The following ULK2 variants were observed in gnomAD, a reference collection of about 807,000 sequenced individuals.
ULK2 encodes serine/threonine-protein kinase ULK2.
Under a neutral mutation model 127.5 loss-of-function variants are expected in ULK2, and 76 were observed. That is an observed-to-expected ratio of 0.60 (90% CI 0.50 to 0.72). The LOEUF is 0.72. ULK2 is among the 30% of genes least tolerant of loss of function. The pLI is 0.00. For synonymous variants in ULK2, 452 were observed against 461.9 expected, an observed-to-expected ratio of 0.98 and a Z score of 0.28; for missense variants, 1,144 against 1,295.9, an observed-to-expected ratio of 0.88 and a Z score of 1.80.
At chr17:19,808,264 A>T (rs1454473446) in intron 14 of ULK2, among the ~76,000 whole-genome samples, 1 of 152,198 alleles carries the variant, frequency 6.6e-6, no homozygotes, top group African/African-American at 2.4e-5. Context: ...CATACACCAT[A>T]CACAAAAATT....
intron 3 of ULK2, among the ~76,000 whole-genome samples, chr17:19,860,261 G>A (rs750606570): frequency 4.1e-4 from 62 of 152,164 alleles, no homozygotes; most frequent in Non-Finnish European, 7.4e-4. Context: ...GGAATTAGTG[G>A]GAAAATGCAT....
At chr17:19,851,320 T>A (rs1597810668) in intron 3 of ULK2, among the ~76,000 whole-genome samples, 1 of 58,396 alleles carries the variant, frequency 1.7e-5, no homozygotes, top group African/African-American at 1.0e-4. Flanking sequence ...GAGTGAGACT[T>A]CCCCTCAAAA....
intron 20 of ULK2, among the ~76,000 whole-genome samples, chr17:19,791,136 C>T (rs1378720717): frequency 6.6e-6 from 1 of 152,216 alleles, no homozygotes; most frequent in East Asian, 1.9e-4. Context: ...ACTTAATCTG[C>T]ACTATAGGAC....
intron 9 of ULK2, chr17:19,840,240 A>C (rs556799529): frequency 3.9e-6 from 2 of 511,916 alleles, no homozygotes; most frequent in South Asian, 1.4e-5. Context: ...GCAGTTGGCC[A>C]TAAGAGCCGG....
In ULK2 at chr17:19,858,728, G is replaced by A. The variant is rs140767797; in HGVS notation, c.225+6075C>T. On this transcript the variant is annotated intron_variant, in intron 3 of 26. Transcript: ENST00000395544. ...CTCACATCTGTAATCCCAGAACTTT[G>A]GGAGGCCGAAGCAGGTGGACCACTT... Among the ~76,000 whole-genome samples the A allele has an allele frequency of 2.4e-3, 373 of 152,292 alleles. 13 individuals carry two copies. The East Asian group carries it at 0.06, about 25-fold the overall frequency.
chr17:19,819,611 T>C (rs1048570902), intron 12 of ULK2, among the ~76,000 whole-genome samples: 1 of 152,210 alleles, frequency 6.6e-6, no homozygotes, highest in Non-Finnish European at 1.5e-5. Context: ...CTTTGTTCAC[T>C]TGCCTATACA....
In ULK2 at chr17:19,783,745, C is replaced by T. The variant is rs368611837; in HGVS notation, c.2412G>A (p.Gly804=). ...GTTCAGGGGCTTCAAAGGTGATGAG[C>T]CCCTCTAGGCTGGGGGGTGAAGCAC... ...PYGASPPSLE[G]LITFEAPELP... Residue 804 remains glycine (G), a synonymous_variant, in exon 22 of 27, where the codon GGG becomes GGA. Coordinates refer to ENST00000395544, the MANE Select transcript of ULK2 (RefSeq NM_014683.4). 12 of 1,594,336 alleles carry T rather than the reference C, an allele frequency of 7.5e-6. 1 individual carries two copies. Among genetic ancestry groups the T allele is most frequent in the Middle Eastern group, 3.3e-4 (2 of 6,038 alleles).
chr17:19,843,178 G>A lies in ULK2; in HGVS notation c.588C>T (p.Asp196=). The A allele has an allele frequency of 6.2e-7, 1 of 1,604,826 alleles. No homozygotes were observed. Among genetic ancestry groups the A allele is most frequent in the East Asian group, 2.2e-5 (1 of 44,520 alleles). The change falls in exon 8 of 27, where the codon GAC becomes GAT. Residue 196 remains aspartate (D), a synonymous_variant. Transcript: ENST00000395544. ...ATATCACTGTTCCTATGCTCCACAA[G>A]TCAGCCTTAGCATCATAATGTTGAG... The part of the protein sequence containing the change: ...IMSQHYDAKA[D]LWSIGTVIYQ...
chr17:19,796,014 T>C (rs750533951), intron 19 of ULK2, 81 bp downstream of exon 19: 1 of 1,527,920 alleles, frequency 6.5e-7, no homozygotes, highest in African/African-American at 1.4e-5. Context: ...ACTAATGTAG[T>C]CTTGCTGCTT....
intron 26 of ULK2, among the ~76,000 whole-genome samples, chr17:19,776,820 G>A (rs992518509): frequency 1.3e-5 from 2 of 152,104 alleles, no homozygotes; most frequent in Non-Finnish European, 2.9e-5. Context: ...AGTTTCACAG[G>A]ACTCTTTAGT....
chr17:19,816,754 T>A lies in ULK2; in HGVS notation c.1091A>T (p.His364Leu), dbSNP rs750821361. 8.9e-6 allele frequency: 14 copies of A among 1,574,034 alleles called. No homozygotes were observed. The highest frequency in any genetic ancestry group is 1.1e-5 in the Non-Finnish European group (13 of 1,166,582). The change falls in exon 13 of 27, where the codon CAC becomes CTC. Residue 364 changes from histidine (H) to leucine (L), a missense_variant. By Grantham distance (99) the His-to-Leu change is moderately conservative (BLOSUM62 -3). This residue lies in a region of ULK2 where 913 missense variants were observed against 970.5 expected (regional missense o/e 0.94). Transcript: ENST00000395544. ...VLVPHNISSD[H>L]SCDMPVGTAG... ...CAAGTAGAAAAGATTCTCACATGAG[T>A]GGTCTGACGAGATGTTGTGTGGCAC...
In ULK2 at chr17:19,789,944, G is replaced by A. The variant is rs909594118; in HGVS notation, c.2102-3858C>T. On this transcript the variant is annotated intron_variant, in intron 20 of 26. Coordinates refer to ENST00000395544, the MANE Select transcript of ULK2 (RefSeq NM_014683.4). Reference sequence around the variant, plus strand: ...AAAAAAACAAAAACTAAGGGTTATTGGCCTTAAGTAGAAAAGACTAAACAA... The same window carrying A: ...AAAAAAACAAAAACTAAGGGTTATTAGCCTTAAGTAGAAAAGACTAAACAA... 2.0e-5 allele frequency among the ~76,000 whole-genome samples: 3 copies of A among 148,078 alleles called. No individual in the cohort carries two copies. The East Asian group carries it at 5.9e-4, about 29-fold the overall frequency.
At chr17:19,810,473 T>A in intron 13 of ULK2, 35 bp from the exon 14 acceptor site, 1 of 1,397,682 alleles carries the variant, frequency 7.2e-7, no homozygotes, top group Middle Eastern at 1.8e-4. Context: ...GTTCCTGTTA[T>A]ACCATCTGCT....
chr17:19,793,874 A>G (rs2087209587), intron 20 of ULK2, among the ~76,000 whole-genome samples: 1 of 152,222 alleles, frequency 6.6e-6, no homozygotes, highest in South Asian at 2.1e-4. Context: ...CATCAGAACC[A>G]GACTCACATA....
At chr17:19,791,255 AAAC>A (rs777435268) in intron 20 of ULK2, among the ~76,000 whole-genome samples, 2 of 152,214 alleles carry the variant, frequency 1.3e-5, no homozygotes, top group Admixed American at 6.5e-5. Flanking sequence ...ATAAAACATT[AAAC>A]AACAACAACA....
At chr17:19,787,854 G>A (rs905909948) in intron 20 of ULK2, among the ~76,000 whole-genome samples, 8 of 152,174 alleles carry the variant, frequency 5.3e-5, no homozygotes, top group East Asian at 1.9e-4. Flanking sequence ...ACCACCCTCC[G>A]CCCCTCCCCT....
intron 25 of ULK2, 28 bp from the exon 26 acceptor site, chr17:19,777,744 C>A (rs1397060852): frequency 6.3e-7 from 1 of 1,578,732 alleles, no homozygotes; most frequent in Non-Finnish European, 8.6e-7. Flanking sequence ...AAACACAATT[C>A]TCTCAATTTT....
chr17:19,863,363 G>T (rs2042283374), intron 3 of ULK2, among the ~76,000 whole-genome samples: 1 of 152,198 alleles, frequency 6.6e-6, no homozygotes, highest in South Asian at 2.1e-4. Context: ...GCAAAAGAAA[G>T]AAATTATGTA....
intron 26 of ULK2, among the ~76,000 whole-genome samples, chr17:19,777,253 C>T (rs929560280): frequency 3.3e-5 from 5 of 152,154 alleles, no homozygotes; most frequent in Non-Finnish European, 4.4e-5. Flanking sequence ...TACAGGTATG[C>T]GCCATGATGC....
Sources: allele counts gnomAD v4.1 joint callset (sites outside exome capture counted in the v4.1 genomes callset), GRCh38; gene constraint gnomAD v4.1.1; regional missense constraint gnomAD v4.1.1; transcripts MANE v1.5; gene names NCBI Gene and HGNC (gene_info 2026-07-23, HGNC 2026-07-21).